Variants in CDK14 observed in about 807,000 individuals in gnomAD.
The protein encoded by CDK14 is cyclin-dependent kinase 14.
A neutral mutation model predicts 60.7 loss-of-function variants in CDK14; 34 were observed. The observed-to-expected ratio is 0.56, with a 90% CI of 0.43 to 0.75. The LOEUF is 0.75. Ranked by LOEUF, CDK14 falls within the 30% of genes least tolerant of loss-of-function variation. CDK14 has a pLI of 0.00. For missense variants in CDK14, 482 were observed against 564.1 expected (o/e 0.85, Z 1.47); for synonymous variants, 197 against 203.7 (o/e 0.97, Z 0.28).
intron 2 of CDK14, among the ~76,000 whole-genome samples, chr7:90,658,444 C>T (rs1160616883): frequency 2.6e-5 from 4 of 152,168 alleles, no homozygotes; most frequent in Non-Finnish European, 5.9e-5. Flanking sequence ...GCTCCACCCT[C>T]GTGATCTAAT....
chr7:91,164,979 T>C (rs192247460), intron 14 of CDK14, among the ~76,000 whole-genome samples: 1 of 152,152 alleles, frequency 6.6e-6, no homozygotes, highest in African/African-American at 2.4e-5. Context: ...GAAGGAGATA[T>C]TTTTGTTTAA....
At chr7:91,092,243 G>A (rs1190141090) in intron 12 of CDK14, among the ~76,000 whole-genome samples, 34 of 152,266 alleles carry the variant, frequency 2.2e-4, no homozygotes, top group Admixed American at 2.2e-3. Context: ...GTTGTGCTCA[G>A]TTCCAGTAAA....
In CDK14 at chr7:90,902,590, T is replaced by G. The variant is rs142254662; in HGVS notation, c.702+3237T>G. Among the ~76,000 whole-genome samples, 444 of 152,242 alleles carry G rather than the reference T, an allele frequency of 2.9e-3. 6 individuals are homozygous for G. The highest frequency in any genetic ancestry group is 0.01 in the African/African-American group (427 of 41,564). On this transcript the variant is annotated intron_variant, in intron 7 of 14. Coordinates refer to ENST00000380050, the MANE Select transcript of CDK14 (RefSeq NM_001287135.2). ...GAAACAAGACTTATTTTTCACCGTA[T>G]ATAAAAATCAACTTCAGATGGATTA...
intron 2 of CDK14, among the ~76,000 whole-genome samples, chr7:90,639,272 G>A (rs978334553): frequency 6.6e-6 from 1 of 151,788 alleles, no homozygotes; most frequent in Non-Finnish European, 1.5e-5. Flanking sequence ...TCTACTTTTG[G>A]TCTTTGATGA....
chr7:90,899,203 A>G, intron 6 of CDK14, 88 bp from the exon 7 acceptor site: 4 of 1,031,772 alleles, frequency 3.9e-6, no homozygotes, highest in Non-Finnish European at 4.2e-6. Context: ...TCTGTTCAGA[A>G]GGTAATGGTG....
At chr7:90,627,039 A>G (rs957520347) in intron 2 of CDK14, among the ~76,000 whole-genome samples, 3 of 152,196 alleles carry the variant, frequency 2.0e-5, no homozygotes. Flanking sequence ...TTATACTTGA[A>G]AAACCCCATA....
intron 2 of CDK14, among the ~76,000 whole-genome samples, chr7:90,711,663 G>A (rs1802063639): frequency 6.6e-6 from 1 of 152,048 alleles, no homozygotes; most frequent in Admixed American, 6.6e-5. Flanking sequence ...AAGTATGGAT[G>A]AAACAGTACA....
intron 5 of CDK14, among the ~76,000 whole-genome samples, chr7:90,818,399 G>T (rs1789430274): frequency 6.6e-6 from 1 of 152,144 alleles, no homozygotes; most frequent in South Asian, 2.1e-4. Flanking sequence ...CTGAAAATGG[G>T]AAAACATGAA....
At chr7:90,720,393 C>T (rs756171677) in intron 2 of CDK14, among the ~76,000 whole-genome samples, 2 of 152,080 alleles carry the variant, frequency 1.3e-5, no homozygotes, top group Non-Finnish European at 2.9e-5. Context: ...ACGGACAGTG[C>T]GTAGAATGTC....
At chr7:90,977,367 C>A (rs1253063097) in intron 9 of CDK14, among the ~76,000 whole-genome samples, 1 of 152,032 alleles carries the variant, frequency 6.6e-6, no homozygotes, top group African/African-American at 2.4e-5. Flanking sequence ...ACCCATCTCC[C>A]CAGCTGACTA....
At chr7:91,083,409 T>A (rs1156247976) in intron 12 of CDK14, among the ~76,000 whole-genome samples, 1 of 152,116 alleles carries the variant, frequency 6.6e-6, no homozygotes, top group African/African-American at 2.4e-5. Flanking sequence ...CTTCACCACA[T>A]GCCATACCCT....
intron 2 of CDK14, among the ~76,000 whole-genome samples, chr7:90,651,614 G>A (rs1449355303): frequency 6.6e-6 from 1 of 152,002 alleles, no homozygotes; most frequent in Non-Finnish European, 1.5e-5. Context: ...AGTTATTAAG[G>A]TTTCTGGATA....
intron 6 of CDK14, among the ~76,000 whole-genome samples, chr7:90,863,789 A>G (rs1195357272): frequency 2.0e-5 from 3 of 151,838 alleles, no homozygotes; most frequent in East Asian, 1.9e-4. Flanking sequence ...AGAACTTCCA[A>G]TTGCATAGTA....
chr7:90,810,246 G>C (rs1356966999), intron 5 of CDK14, among the ~76,000 whole-genome samples: 1 of 152,148 alleles, frequency 6.6e-6, no homozygotes, highest in African/African-American at 2.4e-5. Context: ...ACCAAGTCCA[G>C]CAACACATCA....
At chr7:91,139,810 C>G (rs1379977236) in intron 14 of CDK14, among the ~76,000 whole-genome samples, 1 of 136,032 alleles carries the variant, frequency 7.4e-6, no homozygotes, top group African/African-American at 2.8e-5. Flanking sequence ...TTCTTTCTTT[C>G]TTTCTTTTCT....
At chr7:91,071,536 C>T (rs1051172451) in intron 11 of CDK14, among the ~76,000 whole-genome samples, 4 of 152,234 alleles carry the variant, frequency 2.6e-5, no homozygotes, top group African/African-American at 7.2e-5. Flanking sequence ...ACCCACGGAT[C>T]GGAAGATCCC....
intron 12 of CDK14, among the ~76,000 whole-genome samples, chr7:91,091,245 TAAA>T (rs1050897963): frequency 2.0e-5 from 3 of 146,806 alleles, no homozygotes; most frequent in African/African-American, 7.5e-5. Flanking sequence ...AATTTATCTG[TAAA>T]AAAAATATTT....
At chr7:91,136,555 A>G (rs1800284136) in intron 14 of CDK14, among the ~76,000 whole-genome samples, 1 of 152,212 alleles carries the variant, frequency 6.6e-6, no homozygotes, top group Non-Finnish European at 1.5e-5. Context: ...TAAAAATGTG[A>G]TATCTTAACA....
At chr7:91,008,269 A>G (rs896341419) in intron 10 of CDK14, among the ~76,000 whole-genome samples, 2 of 152,138 alleles carry the variant, frequency 1.3e-5, no homozygotes, top group Non-Finnish European at 2.9e-5. Flanking sequence ...GCAACCTGAA[A>G]TTGTGAATTT....
Sources: gnomAD v4.1 joint callset for allele counts (sites outside exome capture counted in the v4.1 genomes callset) on GRCh38, gnomAD v4.1.1 for gene constraint, MANE v1.5 for transcripts, NCBI Gene and HGNC (gene_info 2026-07-23, HGNC 2026-07-21) for gene names.